CLHC1: variants seen among roughly 807,000 people sequenced by gnomAD.
CLHC1 encodes the protein clathrin heavy chain linker domain containing 1, also known as clathrin heavy chain linker domain-containing protein 1.
CLHC1 carries 72 observed loss-of-function variants against 69.5 expected under a neutral mutation model. The ratio of observed to expected loss-of-function variants is 1.04; its 90% confidence interval spans 0.86 to 1.26. The LOEUF is 1.26. Ranked by LOEUF, CLHC1 falls within the 50% of genes most tolerant of loss-of-function variation. CLHC1 has a pLI of 0.00. For missense variants in CLHC1, 790 were observed against 679.3 expected (o/e 1.16, Z -1.81); for synonymous variants, 223 against 224.3 (o/e 0.99, Z 0.05).
intron 2 of CLHC1, among the ~76,000 whole-genome samples, chr2:55,227,695 AAAAGAT>A (rs1282491706): frequency 1.5e-5 from 2 of 134,024 alleles, no homozygotes; most frequent in Non-Finnish European, 3.3e-5. Flanking sequence ...AAAAAAAAGT[AAAAGAT>A]AAAAGTCAAA....
chr2:55,220,060 G>C (rs1178658925), intron 3 of CLHC1, among the ~76,000 whole-genome samples: 1 of 152,104 alleles, frequency 6.6e-6, no homozygotes, highest in African/African-American at 2.4e-5. Flanking sequence ...TTCTAAAAAA[G>C]TTCATTCTTC....
intron 12 of CLHC1, 91 bp downstream of exon 12, chr2:55,177,511 G>C (rs530979415): frequency 2.4e-6 from 2 of 825,116 alleles, no homozygotes; most frequent in African/African-American, 1.7e-5. Context: ...GGAACTCTTA[G>C]GGAAATTTGA....
chr2:55,223,336 A>G (rs951993301), intron 2 of CLHC1, among the ~76,000 whole-genome samples: 4 of 152,172 alleles, frequency 2.6e-5, no homozygotes, highest in African/African-American at 9.7e-5. Context: ...CCATCCCTCA[A>G]TGATGTCAAA....
At chr2:55,200,397 T>C (rs776907835) in intron 9 of CLHC1, among the ~76,000 whole-genome samples, 3 of 151,432 alleles carry the variant, frequency 2.0e-5, no homozygotes, top group African/African-American at 7.3e-5. Context: ...GTAGACAAAA[T>C]AGATTTCAAG....
At position 55,212,809 on chromosome 2, in the gene CLHC1, G is replaced by A; in HGVS notation, c.366-3C>T. ...AATTACTTTCGATAATCCTCATTCTGGAAAACAGAAAGGCTTTCTTATGTC... is the reference window on the plus strand; with the variant it reads ...AATTACTTTCGATAATCCTCATTCTAGAAAACAGAAAGGCTTTCTTATGTC... On this transcript the variant is annotated splice_polypyrimidine_tract_variant and splice_region_variant and intron_variant, in intron 4 of 12. Coordinates refer to ENST00000401408, the MANE Select transcript of CLHC1 (RefSeq NM_152385.4). 6.3e-7 allele frequency: 1 copy of A among 1,599,150 alleles called. No homozygotes were observed. The highest frequency in any genetic ancestry group is 1.1e-5 in the South Asian group (1 of 90,580).
intron 4 of CLHC1, chr2:55,214,668 C>G (rs957998767): frequency 5.9e-5 from 9 of 152,102 alleles, no homozygotes; most frequent in Non-Finnish European, 1.3e-4. Context: ...TGGCTTTATT[C>G]TAAATAGATT....
intron 8 of CLHC1, among the ~76,000 whole-genome samples, chr2:55,206,612 G>C (rs963794468): frequency 5.9e-5 from 9 of 152,056 alleles, no homozygotes; most frequent in African/African-American, 2.2e-4. Flanking sequence ...CCTGCTAGCT[G>C]ACTTTGAACA....
intron 8 of CLHC1, among the ~76,000 whole-genome samples, chr2:55,207,968 C>T (rs1438484510): frequency 6.6e-6 from 1 of 152,160 alleles, no homozygotes; most frequent in East Asian, 1.9e-4. Flanking sequence ...TCTTAAATCT[C>T]TTTAATCTTA....
At chr2:55,194,105 A>AT (rs1339112442) in intron 9 of CLHC1, among the ~76,000 whole-genome samples, 16 of 152,290 alleles carry the variant, frequency 1.1e-4, no homozygotes, top group African/African-American at 3.6e-4. Context: ...GGTTGCCTGC[A>AT]GTTTGGAGAG....
intron 1 of CLHC1, among the ~76,000 whole-genome samples, chr2:55,231,287 G>A (rs1281777880): frequency 6.6e-6 from 1 of 151,270 alleles, no homozygotes; most frequent in Admixed American, 6.6e-5. Flanking sequence ...AAGAATAAAC[G>A]ACTGGATTCT....
chr2:55,222,273 C>T lies in CLHC1; in HGVS notation c.139G>A (p.Asp47Asn), dbSNP rs1389978231. ...TTTCGGTATATGATGTAATATTCAT[C>T]AGCAGGTCCTTCCTCACTACAGCCC... ...RLGCSEEGPA[D>N]EYYIIYRNVF... Residue 47 changes from aspartate (D) to asparagine (N), a missense_variant, in exon 3 of 13, where the codon GAT becomes AAT. By Grantham distance (23) the Asp-to-Asn change is conservative. Coordinates refer to ENST00000401408, the MANE Select transcript of CLHC1 (RefSeq NM_152385.4). The T allele has an allele frequency of 3.1e-6, 5 of 1,613,560 alleles. No individual in the cohort carries two copies. The highest frequency in any genetic ancestry group is 2.5e-6 in the Non-Finnish European group (3 of 1,179,678).
At chr2:55,200,933 A>G (rs1024499061) in intron 9 of CLHC1, among the ~76,000 whole-genome samples, 2 of 152,190 alleles carry the variant, frequency 1.3e-5, no homozygotes, top group African/African-American at 4.8e-5. Flanking sequence ...CTGACCATAC[A>G]CAGGTCAATG....
At position 55,206,259 on chromosome 2, in the gene CLHC1, G is replaced by A. The variant is rs1672431031; in HGVS notation, c.1006+11C>T. On this transcript the variant is annotated intron_variant, in intron 9 of 12. Transcript: ENST00000401408. ...TTCATACATATATAAGGTTCAGAGAGAAATGCTTACCCTTAAATGTATTCA... is the reference window on the plus strand; with the variant it reads ...TTCATACATATATAAGGTTCAGAGAAAAATGCTTACCCTTAAATGTATTCA... 2.7e-6 allele frequency: 4 copies of A among 1,467,004 alleles called. No homozygotes were observed. The East Asian group carries it at 9.1e-5, about 33-fold the overall frequency. The allele number at this position is 1,467,004 out of a possible 1,614,324, so 90.9% of individuals were successfully genotyped here.
intron 12 of CLHC1, among the ~76,000 whole-genome samples, chr2:55,177,240 C>T (rs1381455905): frequency 1.3e-5 from 2 of 152,136 alleles, no homozygotes; most frequent in Non-Finnish European, 2.9e-5. Flanking sequence ...AATACACATA[C>T]ATTTGGTTTA....
intron 1 of CLHC1, among the ~76,000 whole-genome samples, chr2:55,231,524 G>A (rs1675355875): frequency 6.6e-6 from 1 of 152,172 alleles, no homozygotes; most frequent in Non-Finnish European, 1.5e-5. Context: ...GGTTAGAAAG[G>A]AGGAAAGACT....
At chr2:55,202,986 T>C (rs1672105095) in intron 9 of CLHC1, among the ~76,000 whole-genome samples, 1 of 151,904 alleles carries the variant, frequency 6.6e-6, no homozygotes, top group African/African-American at 2.4e-5. Context: ...TGCATTTCTA[T>C]ATGCCAACAA....
intron 9 of CLHC1, among the ~76,000 whole-genome samples, chr2:55,200,418 T>C (rs545829036): frequency 9.2e-5 from 14 of 151,746 alleles, no homozygotes; most frequent in Middle Eastern, 3.4e-3. Context: ...ACAAAAACTA[T>C]AAAAAGAGAC....
At chr2:55,224,456 G>C (rs1280933800) in intron 2 of CLHC1, 2 of 404,356 alleles carry the variant, frequency 4.9e-6, no homozygotes, top group Non-Finnish European at 1.0e-5. Flanking sequence ...CAGATTCCTG[G>C]TCCTTAGCTG....
At chr2:55,179,396 C>G (rs2103664709) in intron 11 of CLHC1, among the ~76,000 whole-genome samples, 1 of 151,728 alleles carries the variant, frequency 6.6e-6, no homozygotes, top group Non-Finnish European at 1.5e-5. Context: ...TGAAAAAAAG[C>G]CTAGCTATTA....
Sources: gnomAD v4.1 joint callset for allele counts (sites outside exome capture counted in the v4.1 genomes callset) on GRCh38, gnomAD v4.1.1 for gene constraint, MANE v1.5 for transcripts, NCBI Gene and HGNC (gene_info 2026-07-23, HGNC 2026-07-21) for gene names.